The following MDGA2 variants were observed in gnomAD, a reference collection of about 807,000 sequenced individuals.
MDGA2 encodes the protein MAM domain-containing glycosylphosphatidylinositol anchor protein 2.
Under a neutral mutation model 117.8 loss-of-function variants are expected in MDGA2, and 40 were observed. The observed-to-expected ratio is 0.34, with a 90% CI of 0.26 to 0.44. The LOEUF (loss-of-function observed/expected upper bound fraction) is 0.44. MDGA2 is among the 20% of genes least tolerant of loss of function. MDGA2 has a pLI of 1.00. For synonymous variants in MDGA2, 452 were observed against 439.0 expected (o/e 1.03, Z -0.37); for missense variants, 1,123 against 1,250.6 (o/e 0.90, Z 1.54).
At position 47,674,734 on chromosome 14, in the gene MDGA2, G is replaced by A; in HGVS notation, c.63C>T (p.Asp21=). The A allele has an allele frequency of 1.3e-6, 1 of 780,492 alleles. No individual in the cohort carries two copies. The highest frequency in any genetic ancestry group is 1.5e-5 in the South Asian group (1 of 68,772). 48.3% of individuals were successfully genotyped at this position (780,492 alleles called of 1,614,324 possible). The change falls in exon 1 of 17, where the codon GAC becomes GAT. Residue 21 remains aspartate (D), a synonymous_variant. Transcript: ENST00000399232. ...SARRRRRGRT[D]GRRFLLRRAV... ...CTCGCCGAAGGAGGAAGCGCCGTCC[G>A]TCTGTCCTTCCCCGGCGGCGGCGGC...
intron 1 of MDGA2, among the ~76,000 whole-genome samples, chr14:47,659,726 A>G (rs753225773): frequency 5.3e-5 from 8 of 152,256 alleles, no homozygotes; most frequent in Non-Finnish European, 8.8e-5. Context: ...AATTGGAAGC[A>G]GAGAAAGACT....
At chr14:47,366,118 A>G (rs1891225693) in intron 1 of MDGA2, among the ~76,000 whole-genome samples, 1 of 152,158 alleles carries the variant, frequency 6.6e-6, no homozygotes, top group African/African-American at 2.4e-5. Flanking sequence ...TACAAGGTCT[A>G]TTCTTCCCAC....
intron 1 of MDGA2, among the ~76,000 whole-genome samples, chr14:47,523,254 C>T (rs1413755608): frequency 4.6e-5 from 7 of 152,118 alleles, no homozygotes; most frequent in African/African-American, 1.7e-4. Flanking sequence ...CCGGTAAGTA[C>T]ACAAAGTTAT....
At chr14:47,041,190 GAAGTC>G (rs1889053289) in intron 7 of MDGA2, among the ~76,000 whole-genome samples, 1 of 151,876 alleles carries the variant, frequency 6.6e-6, no homozygotes, top group Admixed American at 6.6e-5. Context: ...AAAAGTTAAG[GAAGTC>G]AAGAAAAGAC....
At chr14:46,915,448 T>C (rs1339564961) in intron 10 of MDGA2, among the ~76,000 whole-genome samples, 1 of 152,146 alleles carries the variant, frequency 6.6e-6, no homozygotes, top group African/African-American at 2.4e-5. Context: ...TGTATAAATA[T>C]AGTGTATCAA....
chr14:47,463,456 T>A (rs941407692), intron 1 of MDGA2, among the ~76,000 whole-genome samples: 7 of 152,078 alleles, frequency 4.6e-5, no homozygotes, highest in African/African-American at 1.7e-4. Flanking sequence ...TACAAATAAT[T>A]GTACATCTTA....
At chr14:47,193,877 A>G (rs1885197671) in intron 3 of MDGA2, among the ~76,000 whole-genome samples, 1 of 152,194 alleles carries the variant, frequency 6.6e-6, no homozygotes, top group African/African-American at 2.4e-5. Flanking sequence ...ACAGTAGGAA[A>G]AAGATTTCCT....
chr14:47,555,886 C>T (rs193260359), intron 1 of MDGA2, among the ~76,000 whole-genome samples: 86 of 152,272 alleles, frequency 5.6e-4, no homozygotes, highest in Admixed American at 1.4e-3. Flanking sequence ...CCTAAGAAAG[C>T]TCCTCCATCC....
rs375172728 is a variant in MDGA2 at position 46,879,119 on chromosome 14, G to A, written c.2417-1610C>T. Among the ~76,000 whole-genome samples, 193 of 152,148 alleles carry A rather than the reference G, an allele frequency of 1.3e-3. 2 individuals are homozygous for A. Among genetic ancestry groups the A allele is most frequent in the African/African-American group, 4.5e-3 (185 of 41,520 alleles). ...AATCCCCAATGTGATTGTATTTGGG[G>A]ATAAATCCTTTAGGGAGGTAATTAA... On this transcript the variant is annotated intron_variant, in intron 11 of 16. Coordinates refer to ENST00000399232, the MANE Select transcript of MDGA2 (RefSeq NM_001113498.3).
chr14:47,519,879 T>C (rs182745648), intron 1 of MDGA2, among the ~76,000 whole-genome samples: 93 of 152,312 alleles, frequency 6.1e-4, no homozygotes, highest in African/African-American at 2.1e-3. Flanking sequence ...ATCTCAGTAT[T>C]ACTTCAGGTA....
chr14:47,356,174 C>T (rs140280333), intron 1 of MDGA2, among the ~76,000 whole-genome samples: 1 of 152,138 alleles, frequency 6.6e-6, no homozygotes, highest in African/African-American at 2.4e-5. Flanking sequence ...AGGACCCCTC[C>T]CCAGCACACA....
intron 1 of MDGA2, among the ~76,000 whole-genome samples, chr14:47,595,868 T>A (rs1896533094): frequency 6.6e-6 from 1 of 152,194 alleles, no homozygotes; most frequent in Non-Finnish European, 1.5e-5. Context: ...GACATCTGCA[T>A]AAGGTGTAAT....
At chr14:47,571,472 CTA>C (rs1048912549) in intron 1 of MDGA2, among the ~76,000 whole-genome samples, 4 of 152,126 alleles carry the variant, frequency 2.6e-5, no homozygotes, top group Non-Finnish European at 5.9e-5. Context: ...TATTGTGACA[CTA>C]TTCACAATAG....
chr14:47,440,614 T>C (rs565470815), intron 1 of MDGA2, among the ~76,000 whole-genome samples: 34 of 152,154 alleles, frequency 2.2e-4, no homozygotes, highest in African/African-American at 6.7e-4. Flanking sequence ...GTAGATACCA[T>C]AAAGTAATAA....
chr14:47,525,702 TA>T (rs534336188), intron 1 of MDGA2, among the ~76,000 whole-genome samples: 10 of 148,654 alleles, frequency 6.7e-5, no homozygotes, highest in East Asian at 2.0e-4. Flanking sequence ...AATAAAATAA[TA>T]AAAAAAAAGC....
rs147980806 is a variant in MDGA2, at chr14:47,666,351, C to T, written c.280+8166G>A. Among the ~76,000 whole-genome samples the T allele has an allele frequency of 5.4e-4, 66 of 121,524 alleles. 1 individual carries two copies. In the East Asian group the frequency reaches 0.014, roughly 25 times the overall value. The allele number at this position is 121,524 out of a possible 152,430, so 79.7% of individuals were successfully genotyped here. A position where few individuals can be genotyped will look rare whatever the true frequency, so the allele number is the denominator to read the frequency against. ...CTGCGCTCTGTGTCTAGCTGATCTGCTGGGGACTTAGAGAACCTTTATGTC... is the reference window on the plus strand; with the variant it reads ...CTGCGCTCTGTGTCTAGCTGATCTGTTGGGGACTTAGAGAACCTTTATGTC... On this transcript the variant is annotated intron_variant, in intron 1 of 16. Coordinates refer to ENST00000399232, the MANE Select transcript of MDGA2 (RefSeq NM_001113498.3).
intron 1 of MDGA2, among the ~76,000 whole-genome samples, chr14:47,383,237 T>G (rs149625780): frequency 0.011 from 1,603 of 152,000 alleles, 8 homozygotes; most frequent in Non-Finnish European, 0.018. Flanking sequence ...AGGAGATATA[T>G]CTAATGTAAA....
chr14:46,972,758 G>A (rs1183051609), intron 8 of MDGA2, among the ~76,000 whole-genome samples: 3 of 152,086 alleles, frequency 2.0e-5, no homozygotes, highest in Non-Finnish European at 4.4e-5. Flanking sequence ...ATTATTGAAA[G>A]AAGTAACTTT....
chr14:47,403,428 A>G (rs2138468131), intron 1 of MDGA2, among the ~76,000 whole-genome samples: 1 of 151,100 alleles, frequency 6.6e-6, no homozygotes, highest in South Asian at 2.1e-4. Context: ...GGATGATCAC[A>G]TTCATGGTCA....
Sources: gnomAD v4.1 joint callset for allele counts (sites outside exome capture counted in the v4.1 genomes callset) on GRCh38, gnomAD v4.1.1 for gene constraint, MANE v1.5 for transcripts, NCBI Gene and HGNC (gene_info 2026-07-23, HGNC 2026-07-21) for gene names.